Variants in CEP63 observed in about 807,000 individuals in gnomAD.
The protein encoded by CEP63 is centrosomal protein of 63 kDa.
A neutral mutation model predicts 89.1 loss-of-function variants in CEP63; 84 were observed. The observed-to-expected ratio is 0.94, with a 90% CI of 0.79 to 1.13. The LOEUF (loss-of-function observed/expected upper bound fraction) is 1.13. Among genes scored for constraint, CEP63 ranks in the 50% most tolerant of loss-of-function variants. The pLI is 0.00. For synonymous variants in CEP63, 267 were observed against 272.5 expected (o/e 0.98, Z 0.20); for missense variants, 838 against 813.3 (o/e 1.03, Z -0.37).
the CEP63 span, among the ~76,000 whole-genome samples, chr3:134,730,393 T>A: frequency 6.6e-6 from 1 of 152,214 alleles, no homozygotes; most frequent in Admixed American, 6.5e-5. Context: ...TAAGTCCACC[T>A]GGTTGTAACA....
chr3:134,606,339 G>C, the CEP63 span, among the ~76,000 whole-genome samples: 2 of 152,184 alleles, frequency 1.3e-5, no homozygotes, highest in African/African-American at 4.8e-5. Flanking sequence ...CCGTGGAGAA[G>C]CCTGTCTCTT....
chr3:134,521,319 C>A (rs996020279), intron 3 of CEP63, among the ~76,000 whole-genome samples: 9 of 152,098 alleles, frequency 5.9e-5, no homozygotes, highest in African/African-American at 2.2e-4. Context: ...AAAAAGAGTG[C>A]TGTACTTTTC....
At chr3:134,619,014 G>A in the CEP63 span, 1 of 691,976 alleles carries the variant, frequency 1.4e-6, no homozygotes, top group East Asian at 2.6e-5. Flanking sequence ...ACCTTTTCAG[G>A]ACTCACTTGG....
the CEP63 span, among the ~76,000 whole-genome samples, chr3:134,682,598 A>G: frequency 6.6e-6 from 1 of 152,150 alleles, no homozygotes; most frequent in African/African-American, 2.4e-5. Context: ...AATATTTTTG[A>G]ATACTTTCTG....
chr3:134,545,725 T>C lies in CEP63; in HGVS notation c.695T>C (p.Met232Thr). 6.2e-7 allele frequency: 1 copy of C among 1,614,112 alleles called. No homozygotes were observed. The change falls in exon 7 of 15, where the codon ATG (methionine) becomes ACG (threonine). Residue 232 changes from methionine (M) to threonine (T), a missense_variant. Transcript: ENST00000675561. ...ANELEIERLTMRVNDLVGTSM... is the reference protein window; with the variant it reads ...ANELEIERLTTRVNDLVGTSM... ...GAGTTGGAAATAGAGCGCCTCACCA[T>C]GAGGGTCAATGACTTGGTTGGAACC...
chr3:134,718,797 G>A, the CEP63 span, among the ~76,000 whole-genome samples: 6 of 152,254 alleles, frequency 3.9e-5, no homozygotes, highest in East Asian at 5.8e-4. Flanking sequence ...ATTCCAAAGC[G>A]GATTTGATCA....
chr3:134,561,176 A>G (rs1429662553), intron 14 of CEP63, among the ~76,000 whole-genome samples: 1 of 152,192 alleles, frequency 6.6e-6, no homozygotes, highest in Non-Finnish European at 1.5e-5. Context: ...TCAGAAACGG[A>G]GAGATCTGTG....
downstream of CEP63, among the ~76,000 whole-genome samples, chr3:134,568,602 A>G (rs1957883673): frequency 6.6e-6 from 1 of 152,182 alleles, no homozygotes; most frequent in Non-Finnish European, 1.5e-5. Context: ...AGGACAGGAA[A>G]GGTTCCAGAT....
At chr3:134,526,272 G>C (rs7640260) in intron 3 of CEP63, among the ~76,000 whole-genome samples, 138 of 151,874 alleles carry the variant, frequency 9.1e-4, no homozygotes, top group African/African-American at 3.1e-3. Flanking sequence ...ATGTTTTTCA[G>C]CTCTATCAGG....
chr3:134,532,920 T>G lies in CEP63; in HGVS notation c.441+20T>G, dbSNP rs539192821. On this transcript the variant is annotated intron_variant, in intron 5 of 14. Coordinates refer to ENST00000675561, the MANE Select transcript of CEP63 (RefSeq NM_001353108.3). ...ATAGAGGTATGTTCATAGTAATAAT[T>G]TGTTCATAGTGATTGTCAGCCTTCA... The G allele has an allele frequency of 6.2e-7, 1 of 1,612,408 alleles. No individual in the cohort carries two copies. Among genetic ancestry groups the G allele is most frequent in the South Asian group, 1.1e-5 (1 of 91,024 alleles).
chr3:134,525,178 T>C (rs1177805342), intron 3 of CEP63, among the ~76,000 whole-genome samples: 2 of 152,210 alleles, frequency 1.3e-5, no homozygotes, highest in Non-Finnish European at 2.9e-5. Context: ...TAGAGGTGTT[T>C]ATAGTATTCT....
At chr3:134,748,752 G>A in the CEP63 span, among the ~76,000 whole-genome samples, 2 of 152,204 alleles carry the variant, frequency 1.3e-5, no homozygotes, top group South Asian at 4.1e-4. Flanking sequence ...CAGGGTGCTA[G>A]GGTTCTGAAG....
chr3:134,691,444 G>T, the CEP63 span, among the ~76,000 whole-genome samples: 3 of 151,410 alleles, frequency 2.0e-5, no homozygotes, highest in East Asian at 5.9e-4. Context: ...ACAAGACCCT[G>T]TCTCTACAAA....
chr3:134,489,298 T>C (rs963971307), intron 1 of CEP63, among the ~76,000 whole-genome samples: 2 of 152,212 alleles, frequency 1.3e-5, no homozygotes, highest in African/African-American at 4.8e-5. Context: ...AAAGTTGTAT[T>C]GAACAGCACT....
chr3:134,595,627 G>T, the CEP63 span, among the ~76,000 whole-genome samples: 3 of 152,072 alleles, frequency 2.0e-5, no homozygotes, highest in South Asian at 6.2e-4. Flanking sequence ...CCCTGGCAAT[G>T]ATGACTAAAC....
At chr3:134,773,183 C>G in the CEP63 span, among the ~76,000 whole-genome samples, 2 of 152,310 alleles carry the variant, frequency 1.3e-5, no homozygotes, top group Non-Finnish European at 2.9e-5. Flanking sequence ...TCTCCTCCCC[C>G]ATCCAAGGCT....
At chr3:134,700,015 G>A in the CEP63 span, among the ~76,000 whole-genome samples, 3 of 152,258 alleles carry the variant, frequency 2.0e-5, no homozygotes, top group African/African-American at 7.2e-5. Context: ...ACTTTCAGGG[G>A]TCCGCTCTGA....
At chr3:134,669,741 T>C in the CEP63 span, among the ~76,000 whole-genome samples, 5 of 152,134 alleles carry the variant, frequency 3.3e-5, no homozygotes, top group Non-Finnish European at 7.4e-5. Flanking sequence ...AGATTTTAAA[T>C]AAAAATAGAG....
At chr3:134,726,455 GACAGAC>G in the CEP63 span, among the ~76,000 whole-genome samples, 9,481 of 50,940 alleles carry the variant, frequency 0.19, 579 homozygotes, top group African/African-American at 0.24. Context: ...CAGGCACACA[GACAGAC>G]ACACACACAC....
Sources: allele counts gnomAD v4.1 joint callset (sites outside exome capture counted in the v4.1 genomes callset), GRCh38; gene constraint gnomAD v4.1.1; transcripts MANE v1.5; gene names NCBI Gene and HGNC (gene_info 2026-07-23, HGNC 2026-07-21).